Variants in USP37 observed in about 807,000 individuals in gnomAD.
The protein encoded by USP37 is ubiquitin specific peptidase 37.
Under a neutral mutation model 124.0 loss-of-function variants are expected in USP37, and 27 were observed. The observed-to-expected ratio is 0.22, with a 90% CI of 0.16 to 0.30. The LOEUF is 0.30. Ranked by LOEUF, USP37 falls within the 10% of genes least tolerant of loss-of-function variation. The pLI is 1.00. For synonymous variants in USP37, 365 were observed against 388.0 expected (o/e 0.94, Z 0.70); for missense variants, 889 against 1,140.4 (o/e 0.78, Z 3.17).
intron 11 of USP37, among the ~76,000 whole-genome samples, chr2:218,506,601 ACTT>A (rs1447545204): frequency 1.7e-5 from 2 of 118,470 alleles, no homozygotes; most frequent in South Asian, 2.7e-4. Flanking sequence ...GGCTTTTTAT[ACTT>A]CTTTTTTTTT....
Position 218,497,724 on chromosome 2 carries a change from T to C in USP37, c.1281+10A>G, listed in dbSNP as rs1689154303. On this transcript the variant is annotated intron_variant, in intron 13 of 25. Coordinates refer to ENST00000258399, the MANE Select transcript of USP37 (RefSeq NM_020935.3). ...GGCCTCTGAAACGTTTTAAAACAAT[T>C]AATACTCACATTCTGCATATAACCA... The C allele has an allele frequency of 6.2e-7, 1 of 1,613,702 alleles. No homozygotes were observed. The highest frequency in any genetic ancestry group is 1.1e-5 in the South Asian group (1 of 90,984).
chr2:218,522,166 C>A (rs1313384402), intron 10 of USP37, among the ~76,000 whole-genome samples: 1 of 151,752 alleles, frequency 6.6e-6, no homozygotes, highest in Non-Finnish European at 1.5e-5. Context: ...GGGTGAGTCA[C>A]CACACCGCAC....
chr2:218,527,961 G>C (rs933482386), intron 10 of USP37, among the ~76,000 whole-genome samples: 8 of 152,092 alleles, frequency 5.3e-5, no homozygotes, highest in African/African-American at 1.9e-4. Context: ...CCAGTACTTT[G>C]GGAGGTCAAG....
chr2:218,549,805 A>C lies in USP37; in HGVS notation c.429+4T>G. 6.2e-7 allele frequency: 1 copy of C among 1,611,422 alleles called. No homozygotes were observed. Among genetic ancestry groups the C allele is most frequent in the Non-Finnish European group, 8.5e-7 (1 of 1,178,724 alleles). ...AAATGCTAAAAAGATTCAAATGAACATACCTGATTGTCTGAGTAAGAAAGC... is the reference window on the plus strand; with the variant it reads ...AAATGCTAAAAAGATTCAAATGAACCTACCTGATTGTCTGAGTAAGAAAGC... On this transcript the variant is annotated splice_donor_region_variant and intron_variant, in intron 6 of 25. Coordinates refer to ENST00000258399, the MANE Select transcript of USP37 (RefSeq NM_020935.3).
rs745728786 is a variant in USP37 at position 218,474,671 on chromosome 2, T to C, written c.2258A>G (p.Asp753Gly). 6.2e-7 allele frequency: 1 copy of C among 1,614,232 alleles called. No homozygotes were observed. The highest frequency in any genetic ancestry group is 8.5e-7 in the Non-Finnish European group (1 of 1,180,040). The change falls in exon 20 of 26, where the codon GAC becomes GGC. Residue 753 changes from aspartate (D) to glycine (G), a missense_variant. Around this residue, in one of 3 missense-constraint regions of USP37, gnomAD observed 504 missense variants for 714.3 expected, o/e 0.71. Coordinates refer to ENST00000258399, the MANE Select transcript of USP37 (RefSeq NM_020935.3). ...TTTGGGCTTCTCAGTTTCCATAGTG[T>C]CTGGATTTTCTGGCATTTCTTGAAT... ...DDIQEMPENP[D>G]TMETEKPKTI...
chr2:218,476,075 A>G (rs2106419855), intron 19 of USP37, among the ~76,000 whole-genome samples: 1 of 152,354 alleles, frequency 6.6e-6, no homozygotes, highest in South Asian at 2.1e-4. Context: ...CTACTAAAAT[A>G]ATTCTATTAT....
intron 17 of USP37, among the ~76,000 whole-genome samples, chr2:218,481,319 C>T (rs1691260696): frequency 6.6e-6 from 1 of 152,152 alleles, no homozygotes; most frequent in South Asian, 2.1e-4. Context: ...TAGGGTTTCT[C>T]ACATCTGCAT....
chr2:218,455,509 GGAAA>G (rs1559156781), intron 25 of USP37, 67 bp downstream of exon 25: 3 of 1,343,576 alleles, frequency 2.2e-6, no homozygotes, highest in Non-Finnish European at 9.5e-7. Flanking sequence ...TATCCTCAAA[GGAAA>G]AAAAAAAAAA....
At chr2:218,469,889 C>T (rs1041960590) in intron 20 of USP37, among the ~76,000 whole-genome samples, 1 of 138,284 alleles carries the variant, frequency 7.2e-6, no homozygotes, top group African/African-American at 2.7e-5. Flanking sequence ...GGCACCATCT[C>T]GACTCACTGC....
chr2:218,540,408 G>A (rs1245250976), intron 8 of USP37, among the ~76,000 whole-genome samples: 1 of 152,124 alleles, frequency 6.6e-6, no homozygotes, highest in East Asian at 1.9e-4. Context: ...GAGGCCAGGT[G>A]GGAGGATTAT....
chr2:218,464,155 C>A (rs1389951554), intron 21 of USP37, among the ~76,000 whole-genome samples: 1 of 152,024 alleles, frequency 6.6e-6, no homozygotes, highest in African/African-American at 2.4e-5. Flanking sequence ...CCATACCCAG[C>A]CCATTCCAGT....
intron 16 of USP37, among the ~76,000 whole-genome samples, chr2:218,484,646 AC>A (rs1364624256): frequency 2.7e-4 from 5 of 18,618 alleles, no homozygotes; most frequent in Non-Finnish European, 2.9e-4. Flanking sequence ...AACAACAACA[AC>A]AAACAACCAA....
chr2:218,476,752 T>A, intron 19 of USP37, 88 bp downstream of exon 19: 1 of 1,373,942 alleles, frequency 7.3e-7, no homozygotes, highest in Non-Finnish European at 9.6e-7. Flanking sequence ...TAAAACTAAT[T>A]AGTTTGATGA....
intron 10 of USP37, among the ~76,000 whole-genome samples, chr2:218,524,214 CTT>C (rs1334841622): frequency 6.6e-6 from 1 of 152,038 alleles, no homozygotes; most frequent in African/African-American, 2.4e-5. Flanking sequence ...ATAATTTTCT[CTT>C]CTCATATTGC....
At chr2:218,495,300 C>T (rs1689021337) in intron 14 of USP37, among the ~76,000 whole-genome samples, 1 of 152,102 alleles carries the variant, frequency 6.6e-6, no homozygotes, top group Non-Finnish European at 1.5e-5. Context: ...CATCACCACA[C>T]CTGCCTAATT....
chr2:218,540,356 G>C (rs1574944121), intron 8 of USP37, among the ~76,000 whole-genome samples: 1 of 152,112 alleles, frequency 6.6e-6, no homozygotes, highest in East Asian at 1.9e-4. Flanking sequence ...TATGAATTAG[G>C]GCCAGGTGCA....
chr2:218,545,416 T>A (rs545179), intron 8 of USP37, among the ~76,000 whole-genome samples: 1 of 152,316 alleles, frequency 6.6e-6, no homozygotes, highest in East Asian at 1.9e-4. Flanking sequence ...TGCTTATTAA[T>A]TAAGGATGGC....
At chr2:218,550,924 T>C (rs1450585838) in intron 5 of USP37, among the ~76,000 whole-genome samples, 4 of 152,328 alleles carry the variant, frequency 2.6e-5, no homozygotes, top group South Asian at 2.1e-4. Flanking sequence ...CCTTGCCAGA[T>C]AGACTGTCTA....
At chr2:218,470,531 C>T (rs1690622757) in intron 20 of USP37, among the ~76,000 whole-genome samples, 2 of 152,290 alleles carry the variant, frequency 1.3e-5, no homozygotes, top group Admixed American at 6.5e-5. Flanking sequence ...TTCCTAATGC[C>T]TTTGAAACAA....
Sources: gnomAD v4.1 joint callset for allele counts (sites outside exome capture counted in the v4.1 genomes callset) on GRCh38, gnomAD v4.1.1 for gene constraint, gnomAD v4.1.1 regional missense constraint, MANE v1.5 for transcripts, NCBI Gene and HGNC (gene_info 2026-07-23, HGNC 2026-07-21) for gene names.